Variants in ADGRG2 observed in about 807,000 individuals in gnomAD.
ADGRG2 encodes the protein adhesion G protein-coupled receptor G2, also known as G protein-coupled receptor 64.
ADGRG2 carries 26 observed loss-of-function variants against 74.1 expected under a neutral mutation model. That is an observed-to-expected ratio of 0.35 (90% CI 0.26 to 0.49). The LOEUF (loss-of-function observed/expected upper bound fraction) is 0.49, where lower values mean the gene tolerates loss of function less well. Ranked by LOEUF, ADGRG2 falls within the 20% of genes least tolerant of loss-of-function variation. ADGRG2 has a pLI of 0.99. For missense variants in ADGRG2, 619 were observed against 763.1 expected, an observed-to-expected ratio of 0.81 and a Z score of 2.22; for synonymous variants, 296 against 295.2, an observed-to-expected ratio of 1.00 and a Z score of -0.03.
chrX:19,029,956 T>C (rs1245832847), intron 9 of ADGRG2, among the ~76,000 whole-genome samples: 2 of 112,134 alleles, frequency 1.8e-5, no homozygotes, highest in Non-Finnish European at 3.8e-5. Context: ...TTTCCTCCTA[T>C]ATTCTACCTG....
intron 1 of ADGRG2, among the ~76,000 whole-genome samples, chrX:19,105,051 T>C (rs751478546): frequency 1.5e-4 from 16 of 109,334 alleles, no homozygotes; most frequent in Non-Finnish European, 1.9e-4. Context: ...CTGGCCAACA[T>C]AGTGAAACCC....
chrX:18,990,857 A>G lies in ADGRG2; in HGVS notation c.*7T>C. 1 of 1,167,194 alleles carries G rather than the reference A, an allele frequency of 8.6e-7. No homozygotes were observed. On this transcript the variant is annotated 3_prime_UTR_variant, in exon 29 of 29. Coordinates refer to ENST00000379869, the MANE Select transcript of ADGRG2 (RefSeq NM_001079858.3). ...AAGCATCATGCTTTGATTTTAGAAG[A>G]AAGGAATCACATTTGCTCAATAAAG...
At chrX:19,072,009 A>G (rs2061661347) in intron 2 of ADGRG2, among the ~76,000 whole-genome samples, 1 of 110,674 alleles carries the variant, frequency 9.0e-6, no homozygotes, top group African/African-American at 3.3e-5. Context: ...AGGAACTCAG[A>G]AATCACCTAT....
chrX:19,078,518 A>G (rs533794750), intron 2 of ADGRG2, among the ~76,000 whole-genome samples: 2 of 111,203 alleles, frequency 1.8e-5, no homozygotes, highest in African/African-American at 6.5e-5. Context: ...GATCACGCCA[A>G]TGCACTGCAG....
At position 18,996,093 on chromosome X, in the gene ADGRG2, G is replaced by A. The variant is rs1207066736; in HGVS notation, c.2674C>T (p.Arg892Trp). Residue 892 changes from arginine to tryptophan, a missense_variant, in exon 27 of 29, where the codon CGG becomes TGG. By Grantham distance (101) the Arg-to-Trp change is moderately radical. This residue lies in a region of ADGRG2 where 106 missense variants were observed against 104.5 expected (regional missense o/e 1.01). Coordinates refer to ENST00000379869, the MANE Select transcript of ADGRG2 (RefSeq NM_001079858.3). ...AKENVRKQWR[R>W]YLCCGKLRLA... The stretch of plus-strand genomic sequence containing the variant: ...CGTAACTTTCCACAACAAAGATACC[G>A]CCTCCATTGCTTCCTGACATTTTCT... 5.9e-6 allele frequency: 7 copies of A among 1,185,705 alleles called. No homozygotes were observed. Among genetic ancestry groups the A allele is most frequent in the East Asian group, 3.0e-5 (1 of 33,624 alleles).
At chrX:19,033,351 T>C (rs1041925447) in intron 8 of ADGRG2, 1 of 255,839 alleles carries the variant, frequency 3.9e-6, no homozygotes, top group Non-Finnish European at 6.9e-6. Context: ...TGCATGTTCA[T>C]GTTAGTTATC....
At chrX:19,015,378 G>A (rs959612592) in intron 15 of ADGRG2, among the ~76,000 whole-genome samples, 1 of 112,386 alleles carries the variant, frequency 8.9e-6, no homozygotes, top group Non-Finnish European at 1.9e-5. Flanking sequence ...GAGGTTCGGG[G>A]CAGTGAGGAT....
intron 3 of ADGRG2, among the ~76,000 whole-genome samples, chrX:19,057,865 G>T (rs765721561): frequency 9.0e-6 from 1 of 111,585 alleles, no homozygotes; most frequent in South Asian, 3.8e-4. Context: ...AATAAAAATA[G>T]AGTATAATGT....
chrX:19,015,577 G>A (rs2146599944), intron 15 of ADGRG2, among the ~76,000 whole-genome samples: 1 of 112,504 alleles, frequency 8.9e-6, no homozygotes, highest in African/African-American at 3.2e-5. Flanking sequence ...AAATTAGCCA[G>A]GCGTGGTGGC....
chrX:19,092,947 C>T (rs1386243999), intron 1 of ADGRG2, among the ~76,000 whole-genome samples: 1 of 111,982 alleles, frequency 8.9e-6, no homozygotes, highest in Non-Finnish European at 1.9e-5. Context: ...AGATCAGGAC[C>T]AAGGAGGGAA....
rs752642066 is a variant in ADGRG2, at chrX:19,014,124, A to AG, written c.711-51dup. On this transcript the variant is annotated intron_variant, in intron 15 of 28. Transcript: ENST00000379869. ...CATGTGAGACACGAATGAGCTACAGAGGGGGCAAGTCTTTCCCCTCTGGCA... is the reference window on the plus strand; with the variant it reads ...CATGTGAGACACGAATGAGCTACAGAGGGGGGCAAGTCTTTCCCCTCTGGCA... 209 of 1,014,008 alleles carry AG rather than the reference A, an allele frequency of 2.1e-4. No individual in the cohort carries two copies. In the African/African-American group the frequency reaches 3.7e-3, roughly 18 times the overall value. 83.6% of individuals were successfully genotyped at this position (1,014,008 alleles called of 1,213,427 possible). A position where few individuals can be genotyped will look rare whatever the true frequency, so the allele number is the denominator to read the frequency against.
chrX:19,087,344 G>A (rs944413094), intron 1 of ADGRG2, among the ~76,000 whole-genome samples: 9 of 112,825 alleles, frequency 8.0e-5, no homozygotes, highest in Non-Finnish European at 1.1e-4. Context: ...AAAGGCTCAC[G>A]GCCAAGGGCA....
chrX:19,065,726 A>C (rs1252392514), intron 3 of ADGRG2, among the ~76,000 whole-genome samples: 1 of 111,807 alleles, frequency 8.9e-6, no homozygotes, highest in Non-Finnish European at 1.9e-5. Context: ...GCCACTTCCT[A>C]ACCAATAACC....
At chrX:19,085,821 G>T (rs1031998424) in intron 1 of ADGRG2, among the ~76,000 whole-genome samples, 2 of 111,001 alleles carry the variant, frequency 1.8e-5, no homozygotes, top group African/African-American at 6.6e-5. Context: ...AAGGAGGGCT[G>T]AACAGAGCTC....
intron 11 of ADGRG2, among the ~76,000 whole-genome samples, chrX:19,024,551 A>T (rs2060660019): frequency 8.9e-6 from 1 of 112,391 alleles, no homozygotes; most frequent in Non-Finnish European, 1.9e-5. Context: ...TAGTTCTCAA[A>T]CAGGGGAGAG....
Position 18,996,145 on chromosome X carries a change from G to A in ADGRG2, c.2622C>T (p.Phe874=). 9.2e-7 allele frequency: 1 copy of A among 1,084,450 alleles called. No individual in the cohort carries two copies. The highest frequency in any genetic ancestry group is 1.3e-6 in the Non-Finnish European group (1 of 783,036). 89.4% of individuals were successfully genotyped at this position (1,084,450 alleles called of 1,213,427 possible). ...FAIFNTLQGF[F]IFIFYCVAKE... ...TGGCCACACAGTAAAAGATGAATAT[G>A]AAAAATCCTAAGGAGGGAAAAAAAA... Residue 874 remains phenylalanine (F), a synonymous_variant, in exon 27 of 29, where the codon TTC becomes TTT. Transcript: ENST00000379869.
chrX:18,994,785 A>T lies in ADGRG2; in HGVS notation c.2869+111T>A, dbSNP rs767811481. The T allele has an allele frequency of 7.6e-5, 36 of 472,220 alleles. No individual in the cohort carries two copies. In the Admixed American group the frequency reaches 8.7e-4, roughly 11 times the overall value. 38.9% of individuals were successfully genotyped at this position (472,220 alleles called of 1,213,427 possible). A position where few individuals can be genotyped will look rare whatever the true frequency, so the allele number is the denominator to read the frequency against. ...GGAACCACATTTTGATCCACTAGTCATATATGTATTAATAGTTACTCACTT... is the reference window on the plus strand; with the variant it reads ...GGAACCACATTTTGATCCACTAGTCTTATATGTATTAATAGTTACTCACTT... On this transcript the variant is annotated intron_variant, in intron 28 of 28. Coordinates refer to ENST00000379869, the MANE Select transcript of ADGRG2 (RefSeq NM_001079858.3).
In ADGRG2 at chrX:18,989,599, T is replaced by C. The variant is rs2059891059; in HGVS notation, c.*1265A>G. 1 of 111,863 alleles carries C rather than the reference T, an allele frequency of 8.9e-6. No individual in the cohort carries two copies. The highest frequency in any genetic ancestry group is 1.9e-5 in the Non-Finnish European group (1 of 53,179). The allele number at this position is 111,863 out of a possible 1,213,427, so 9.2% of individuals were successfully genotyped here. A position where few individuals can be genotyped will look rare whatever the true frequency, so the allele number is the denominator to read the frequency against. On this transcript the variant is annotated 3_prime_UTR_variant, in exon 29 of 29. Coordinates refer to ENST00000379869, the MANE Select transcript of ADGRG2 (RefSeq NM_001079858.3). The stretch of plus-strand genomic sequence containing the variant: ...TAGGAAGCAAGATAGACCCTGTATA[T>C]AACTAGGAGCAATCAAGGCTCGATA...
chrX:19,091,756 G>C (rs1440991542), intron 1 of ADGRG2, among the ~76,000 whole-genome samples: 1 of 112,280 alleles, frequency 8.9e-6, no homozygotes, highest in African/African-American at 3.2e-5. Context: ...AAATGAATGA[G>C]TGTGGCTGTG....
Sources: allele counts gnomAD v4.1 joint callset (sites outside exome capture counted in the v4.1 genomes callset), GRCh38; gene constraint gnomAD v4.1.1; regional missense constraint gnomAD v4.1.1; transcripts MANE v1.5; gene names NCBI Gene and HGNC (gene_info 2026-07-23, HGNC 2026-07-21).